Variants in ELAPOR2 observed in about 807,000 individuals in gnomAD.
The protein encoded by ELAPOR2 is endosome-lysosome associated apoptosis and autophagy regulator family member 2.
A neutral mutation model predicts 120.7 loss-of-function variants in ELAPOR2; 89 were observed. The ratio of observed to expected loss-of-function variants is 0.74; its 90% CI spans 0.62 to 0.88. The LOEUF (loss-of-function observed/expected upper bound fraction) is 0.88. Among genes scored for constraint, ELAPOR2 ranks in the 40% least tolerant of loss-of-function variants. ELAPOR2 has a pLI of 0.00. For synonymous variants in ELAPOR2, 444 were observed against 444.9 expected, an observed-to-expected ratio of 1.00 and a Z score of 0.03; for missense variants, 1,134 against 1,251.6, an observed-to-expected ratio of 0.91 and a Z score of 1.42.
chr7:87,024,597 T>C (rs1214179086), intron 1 of ELAPOR2, among the ~76,000 whole-genome samples: 1 of 152,132 alleles, frequency 6.6e-6, no homozygotes, highest in Non-Finnish European at 1.5e-5. Flanking sequence ...TTAGGGAGGA[T>C]TCCCTCTTTT....
At chr7:87,049,019 G>C (rs538411616) in intron 1 of ELAPOR2, among the ~76,000 whole-genome samples, 1 of 152,236 alleles carries the variant, frequency 6.6e-6, no homozygotes, top group East Asian at 1.9e-4. Context: ...ATTTAAAACA[G>C]CCTATGTGCC....
chr7:86,902,155 T>C (rs1042256744), intron 18 of ELAPOR2, among the ~76,000 whole-genome samples: 15 of 151,612 alleles, frequency 9.9e-5, no homozygotes, highest in Non-Finnish European at 1.5e-4. Flanking sequence ...GCTAGCTCTC[T>C]GGAGTCTTTT....
chr7:87,017,315 G>T (rs1447489791), intron 1 of ELAPOR2, among the ~76,000 whole-genome samples: 1 of 152,146 alleles, frequency 6.6e-6, no homozygotes, highest in African/African-American at 2.4e-5. Flanking sequence ...ATGGCAAGAA[G>T]TAGAAAACAG....
At chr7:87,003,969 A>G (rs1635019) in intron 1 of ELAPOR2, among the ~76,000 whole-genome samples, 57,462 of 152,002 alleles carry the variant, frequency 0.38, 11,707 homozygotes, top group African/African-American at 0.53. Flanking sequence ...AACATGGCTC[A>G]AAGGAAGCCT....
chr7:86,901,667 T>C (rs1788732344), intron 18 of ELAPOR2, among the ~76,000 whole-genome samples: 1 of 152,240 alleles, frequency 6.6e-6, no homozygotes. Flanking sequence ...CAGTTTTGTG[T>C]ACCTAGAAAA....
chr7:86,897,577 C>T lies in ELAPOR2; in HGVS notation c.2614G>A (p.Ala872Thr), dbSNP rs1180072250. The T allele has an allele frequency of 2.5e-6, 4 of 1,613,286 alleles. No individual in the cohort carries two copies. The highest frequency in any genetic ancestry group is 3.4e-6 in the Non-Finnish European group (4 of 1,179,568). ...GCTFYFLWESAEACPLCTEHD... is the reference protein window; with the variant it reads ...GCTFYFLWESTEACPLCTEHD... ...TCCGTACACAGAGGGCAAGCTTCAG[C>T]ACTCTCCCACAGGAAATAGAACGTA... The change falls in exon 19 of 22, where the codon GCT (alanine) becomes ACT (threonine). Residue 872 changes from alanine (A) to threonine (T), a missense_variant. Around this residue, in one of 3 missense-constraint regions of ELAPOR2, gnomAD observed 831 missense variants for 867.6 expected, o/e 0.96. Coordinates refer to ENST00000450689, the MANE Select transcript of ELAPOR2 (RefSeq NM_001142749.3).
intron 1 of ELAPOR2, among the ~76,000 whole-genome samples, chr7:87,045,568 T>A (rs1175811755): frequency 1.6e-5 from 2 of 123,188 alleles, no homozygotes; most frequent in African/African-American, 6.3e-5. Flanking sequence ...TGAGATCACA[T>A]GGACACAGGA....
chr7:86,905,077 AG>A (rs1788915961), intron 18 of ELAPOR2, among the ~76,000 whole-genome samples: 1 of 69,738 alleles, frequency 1.4e-5, no homozygotes, highest in Non-Finnish European at 3.1e-5. Context: ...GAGAGAAGGA[AG>A]GAAGGAAGGA....
chr7:86,962,343 G>T (rs1030614797), intron 2 of ELAPOR2, among the ~76,000 whole-genome samples: 4 of 152,040 alleles, frequency 2.6e-5, no homozygotes, highest in African/African-American at 9.7e-5. Flanking sequence ...CAAATTCTGG[G>T]TTTCATTTTA....
chr7:87,008,704 T>C (rs80172388), intron 1 of ELAPOR2, among the ~76,000 whole-genome samples: 2,527 of 152,300 alleles, frequency 0.017, 25 homozygotes, highest in Non-Finnish European at 0.025. Context: ...CTAGGAAATA[T>C]GTACTGAATT....
At position 87,024,639 on chromosome 7, in the gene ELAPOR2, G is replaced by T. The variant is rs59703857; in HGVS notation, c.189+34686C>A. On this transcript the variant is annotated intron_variant, in intron 1 of 21. Coordinates refer to ENST00000450689, the MANE Select transcript of ELAPOR2 (RefSeq NM_001142749.3). ...GATTGGAATAGTTTCAGAAGGAATA[G>T]TACCAGCTCCTCCTTGTACCTCTGG... is the stretch of plus-strand genomic sequence containing the variant. 2.0e-5 allele frequency among the ~76,000 whole-genome samples: 3 copies of T among 152,256 alleles called. No individual in the cohort carries two copies. The East Asian group carries it at 5.8e-4, about 29-fold the overall frequency.
chr7:86,947,771 G>T lies in ELAPOR2; in HGVS notation c.462C>A (p.Asp154Glu), dbSNP rs1296535565. 6.4e-7 allele frequency: 1 copy of T among 1,551,594 alleles called. No individual in the cohort carries two copies. Among genetic ancestry groups the T allele is most frequent in the Non-Finnish European group, 8.7e-7 (1 of 1,147,008 alleles). Residue 154 changes from aspartate to glutamate, a missense_variant, in exon 3 of 22, where the codon GAC becomes GAA. Transcript: ENST00000450689. ...AGFSNIATFM[D>E]TVVGPSDSRP... ...TGCTGTCAGAAGGGCCCACCACAGTGTCCATGAATGTTGCGATGTTAGAAA... is the reference window on the plus strand; with the variant it reads ...TGCTGTCAGAAGGGCCCACCACAGTTTCCATGAATGTTGCGATGTTAGAAA...
chr7:86,938,648 G>A (rs1423745065), intron 7 of ELAPOR2, among the ~76,000 whole-genome samples, 160 bp downstream of exon 7: 1 of 152,024 alleles, frequency 6.6e-6, no homozygotes, highest in Non-Finnish European at 1.5e-5. Context: ...TGCAGAAACG[G>A]ATAAGATGTC....
At chr7:86,965,320 CT>C (rs1791866627) in intron 1 of ELAPOR2, among the ~76,000 whole-genome samples, 1 of 152,116 alleles carries the variant, frequency 6.6e-6, no homozygotes, top group South Asian at 2.1e-4. Flanking sequence ...CTCTTGCAGG[CT>C]TTTTAAGCTC....
At chr7:86,959,259 T>A (rs1791603483) in intron 2 of ELAPOR2, among the ~76,000 whole-genome samples, 1 of 152,234 alleles carries the variant, frequency 6.6e-6, no homozygotes, top group Non-Finnish European at 1.5e-5. Context: ...GATCATGTCA[T>A]CTGCAAACGG....
At chr7:86,994,880 T>C (rs1424802364) in intron 1 of ELAPOR2, among the ~76,000 whole-genome samples, 2 of 152,136 alleles carry the variant, frequency 1.3e-5, no homozygotes, top group African/African-American at 4.8e-5. Context: ...ATGATAAGTA[T>C]CAATGTATCT....
chr7:86,992,483 C>G (rs903547765), intron 1 of ELAPOR2, among the ~76,000 whole-genome samples: 1 of 151,982 alleles, frequency 6.6e-6, no homozygotes, highest in Non-Finnish European at 1.5e-5. Flanking sequence ...TCCAAGATAT[C>G]AAAAAATAGC....
chr7:86,912,111 T>A lies in ELAPOR2; in HGVS notation c.2130A>T (p.Lys710Asn), dbSNP rs1198359230. 28 of 1,611,722 alleles carry A rather than the reference T, an allele frequency of 1.7e-5. No individual in the cohort carries two copies. The highest frequency in any genetic ancestry group is 2.4e-5 in the Non-Finnish European group (28 of 1,178,130). ...NGPSFTSKGT[K>N]YFHFFNISLC... ...AACTGATATTGAAGAAATGGAAGTA[T>A]TTTGTTCCTTTGGAGGTGAAGCTGG... The change falls in exon 15 of 22, where the codon AAA becomes AAT. Residue 710 changes from lysine to asparagine, a missense_variant. Physicochemically the swap from Lys to Asn is moderately conservative, Grantham distance 94. Coordinates refer to ENST00000450689, the MANE Select transcript of ELAPOR2 (RefSeq NM_001142749.3).
chr7:87,054,268 G>C (rs1019634894), intron 1 of ELAPOR2, among the ~76,000 whole-genome samples: 7 of 152,110 alleles, frequency 4.6e-5, no homozygotes, highest in Non-Finnish European at 1.0e-4. Flanking sequence ...CACTATGATA[G>C]GAAAACGTGC....
Sources: gnomAD v4.1 joint callset for allele counts (sites outside exome capture counted in the v4.1 genomes callset) on GRCh38, gnomAD v4.1.1 for gene constraint, gnomAD v4.1.1 regional missense constraint, MANE v1.5 for transcripts, NCBI Gene and HGNC (gene_info 2026-07-23, HGNC 2026-07-21) for gene names.